Variants in ACTN2 observed in about 807,000 individuals in gnomAD.
ACTN2 encodes alpha-actinin-2.
In ACTN2, 39 loss-of-function variants were observed where a neutral mutation model predicts 113.8. The ratio of observed to expected loss-of-function variants is 0.34; its 90% CI spans 0.27 to 0.45. The LOEUF (loss-of-function observed/expected upper bound fraction) is 0.45. ACTN2 is among the 20% of genes least tolerant of loss of function. The probability of loss-of-function intolerance (pLI) is 1.00; values close to 1 mark genes in which losing one functional copy is unlikely to be tolerated. For synonymous variants in ACTN2, 429 were observed against 444.1 expected (o/e 0.97, Z 0.43); for missense variants, 992 against 1,177.9 (o/e 0.84, Z 2.31).
At chr1:236,716,071 C>G (rs1014303065) in intron 1 of ACTN2, among the ~76,000 whole-genome samples, 1 of 149,018 alleles carries the variant, frequency 6.7e-6, no homozygotes, top group Non-Finnish European at 1.5e-5. Flanking sequence ...AAATTTATTA[C>G]TGTAAATCCA....
At chr1:236,707,700 CTTTTTTTTCT>C (rs1166009622) in intron 1 of ACTN2, among the ~76,000 whole-genome samples, 12 of 111,734 alleles carry the variant, frequency 1.1e-4, no homozygotes, top group Admixed American at 2.5e-4. Context: ...CTTTTCTTTT[CTTTTTTTTCT>C]TTTTTTTTTT....
rs559363266 is a variant in ACTN2, at chr1:236,713,419, G to A, written c.127-4439G>A. Among the ~76,000 whole-genome samples, 7 of 152,164 alleles carry A rather than the reference G, an allele frequency of 4.6e-5. No homozygotes were observed. The South Asian group carries it at 1.2e-3, about 27-fold the overall frequency. Reference sequence around the variant, plus strand: ...GTCTTGTATTTTTTGTAGAGACAGGGTTTCTCCGTGTTGGTCAGGCTGGTC... The same window carrying A: ...GTCTTGTATTTTTTGTAGAGACAGGATTTCTCCGTGTTGGTCAGGCTGGTC... On this transcript the variant is annotated intron_variant, in intron 1 of 20. Transcript: ENST00000366578.
intron 1 of ACTN2, among the ~76,000 whole-genome samples, chr1:236,694,272 T>A (rs1199058131): frequency 6.8e-6 from 1 of 147,668 alleles, no homozygotes; most frequent in African/African-American, 2.5e-5. Flanking sequence ...CGGGCTGGAG[T>A]GCAATGGCAC....
chr1:236,715,033 A>G (rs575201351), intron 1 of ACTN2, among the ~76,000 whole-genome samples: 37 of 152,036 alleles, frequency 2.4e-4, no homozygotes, highest in Middle Eastern at 6.8e-3. Context: ...ATACCACTGA[A>G]GGGATATGCA....
At chr1:236,720,228 G>A in intron 4 of ACTN2, 37 bp downstream of exon 4, 1 of 1,482,478 alleles carries the variant, frequency 6.7e-7, no homozygotes, top group Non-Finnish European at 9.4e-7. Flanking sequence ...TGTATAATCT[G>A]TAAATTGAGC....
chr1:236,698,858 T>C (rs1468258250), intron 1 of ACTN2, among the ~76,000 whole-genome samples: 9 of 152,216 alleles, frequency 5.9e-5, no homozygotes, highest in Non-Finnish European at 1.2e-4. Context: ...TGTATGATTT[T>C]ACTGGATCTT....
chr1:236,736,525 A>G, intron 8 of ACTN2: 1 of 1,343,684 alleles, frequency 7.4e-7, no homozygotes, highest in Non-Finnish European at 1.0e-6. Flanking sequence ...GATGACAGAG[A>G]ATTGTGTATT....
chr1:236,723,914 A>G (rs916792985), intron 4 of ACTN2, among the ~76,000 whole-genome samples: 20 of 152,154 alleles, frequency 1.3e-4, no homozygotes, highest in Non-Finnish European at 2.8e-4. Context: ...GCGGAATCCT[A>G]AGTTATATAA....
At chr1:236,732,907 A>C (rs1301002673) in intron 7 of ACTN2, among the ~76,000 whole-genome samples, 1 of 152,204 alleles carries the variant, frequency 6.6e-6, no homozygotes, top group Non-Finnish European at 1.5e-5. Context: ...TCTTTTTGGG[A>C]AATGCAGTTC....
rs180865202 is a variant in ACTN2 at position 236,722,811 on chromosome 1, G to C, written c.448+2620G>C. Among the ~76,000 whole-genome samples the C allele has an allele frequency of 2.1e-3, 317 of 152,238 alleles. 5 individuals are homozygous for C. The highest frequency in any genetic ancestry group is 0.018 in the Admixed American group (282 of 15,274). Reference sequence around the variant, plus strand: ...TTTTATACCATGATCAGGGTTTTGTGTGTGGACCTGTTTGTGCCAAATGGC... The same window carrying C: ...TTTTATACCATGATCAGGGTTTTGTCTGTGGACCTGTTTGTGCCAAATGGC... On this transcript the variant is annotated intron_variant, in intron 4 of 20. Coordinates refer to ENST00000366578, the MANE Select transcript of ACTN2 (RefSeq NM_001103.4).
chr1:236,744,836 G>GC, intron 12 of ACTN2, 60 bp downstream of exon 12: 4 of 1,611,196 alleles, frequency 2.5e-6, no homozygotes, highest in Non-Finnish European at 3.4e-6. Flanking sequence ...AGAGGGGAGA[G>GC]AAAGGCCTGC....
Position 236,746,615 on chromosome 1 carries a change from A to T in ACTN2, c.1407-1052A>T, listed in dbSNP as rs943865847. On this transcript the variant is annotated intron_variant, in intron 12 of 20. Coordinates refer to ENST00000366578, the MANE Select transcript of ACTN2 (RefSeq NM_001103.4). ...CAGCTACTTGGGAGCCTAAGACAGGAGGATCACTTGAGCCTAAGAGTCTGA... is the reference window on the plus strand; with the variant it reads ...CAGCTACTTGGGAGCCTAAGACAGGTGGATCACTTGAGCCTAAGAGTCTGA... 5.9e-5 allele frequency among the ~76,000 whole-genome samples: 9 copies of T among 151,844 alleles called. No homozygotes were observed. In the East Asian group the frequency reaches 1.7e-3, roughly 29 times the overall value.
Position 236,700,897 on chromosome 1 carries a change from A to G in ACTN2, c.126+14098A>G, listed in dbSNP as rs1003492788. On this transcript the variant is annotated intron_variant, in intron 1 of 20. Transcript: ENST00000366578. ...ATCTGGGAATGTTCTGGGTAGCCTC[A>G]GAAAAGTGCTGGGGGGCCTTTCATT... Among the ~76,000 whole-genome samples, 6 of 152,334 alleles carry G rather than the reference A, an allele frequency of 3.9e-5. No individual in the cohort carries two copies. In the East Asian group the frequency reaches 1.2e-3, roughly 29 times the overall value.
rs138551371 is a variant in ACTN2, at chr1:236,754,201, C to T, written c.1974+120C>T. On this transcript the variant is annotated intron_variant, in intron 16 of 20. Transcript: ENST00000366578. The surrounding 1 kb of genome is among the most constrained non-coding windows in gnomAD (Gnocchi z 4.9). ...CACCCACTCAGTCAGGTGGGAGCAC[C>T]GTTCTGTTATCACCCCGGCTTTATC... The T allele has an allele frequency of 2.9e-5, 39 of 1,338,000 alleles. No individual in the cohort carries two copies. The highest frequency in any genetic ancestry group is 2.4e-4 in the East Asian group (10 of 42,548). 82.9% of individuals were successfully genotyped at this position (1,338,000 alleles called of 1,614,324 possible).
In ACTN2 at chr1:236,707,483, A is replaced by G. The variant is rs114714477; in HGVS notation, c.127-10375A>G. 2.0e-3 allele frequency among the ~76,000 whole-genome samples: 312 copies of G among 152,278 alleles called. 2 individuals are homozygous for G. Among genetic ancestry groups the G allele is most frequent in the African/African-American group, 7.1e-3 (296 of 41,548 alleles). On this transcript the variant is annotated intron_variant, in intron 1 of 20. Transcript: ENST00000366578. Reference sequence around the variant, plus strand: ...TGAGCAATCTCGCCCTACCTGAGTAAGATTTTAGAATGATTTAATTCTCTT... The same window carrying G: ...TGAGCAATCTCGCCCTACCTGAGTAGGATTTTAGAATGATTTAATTCTCTT...
chr1:236,725,599 C>A (rs1019062312), intron 4 of ACTN2, among the ~76,000 whole-genome samples: 1 of 151,878 alleles, frequency 6.6e-6, no homozygotes, highest in Non-Finnish European at 1.5e-5. Context: ...TGCACTCCAG[C>A]CTGGGTGACA....
chr1:236,721,805 A>G (rs1013362144), intron 4 of ACTN2, among the ~76,000 whole-genome samples: 1 of 152,204 alleles, frequency 6.6e-6, no homozygotes, highest in Non-Finnish European at 1.5e-5. Flanking sequence ...CACAAATATT[A>G]CAGAGGTGAA....
intron 12 of ACTN2, 58 bp downstream of exon 12, chr1:236,744,834 G>A: frequency 6.2e-7 from 1 of 1,611,582 alleles, no homozygotes; most frequent in South Asian, 1.1e-5. Flanking sequence ...AGAGAGGGGA[G>A]AGAAAGGCCT....
intron 1 of ACTN2, among the ~76,000 whole-genome samples, chr1:236,690,257 G>A (rs1231983913): frequency 6.6e-6 from 1 of 152,190 alleles, no homozygotes; most frequent in Non-Finnish European, 1.5e-5. Flanking sequence ...GAGCCTGGGA[G>A]CCTTCGAGTT....
Sources: allele counts gnomAD v4.1 joint callset (sites outside exome capture counted in the v4.1 genomes callset), GRCh38; gene constraint gnomAD v4.1.1; non-coding constraint Gnocchi (gnomAD v3.1); transcripts MANE v1.5; gene names NCBI Gene and HGNC (gene_info 2026-07-23, HGNC 2026-07-21).